Variants in SOX6 observed in about 807,000 individuals in gnomAD.
The protein encoded by SOX6 is transcription factor SOX-6.
In SOX6, 11 loss-of-function variants were observed where a neutral mutation model predicts 97.8. That is an observed-to-expected ratio of 0.11 (90% CI 0.07 to 0.19). SOX6 has a LOEUF of 0.19. SOX6 is among the 10% of genes least tolerant of loss of function. The probability of loss-of-function intolerance (pLI) is 1.00; values close to 1 mark genes in which losing one functional copy is unlikely to be tolerated. For synonymous variants in SOX6, 360 were observed against 371.4 expected, an observed-to-expected ratio of 0.97 and a Z score of 0.35; for missense variants, 810 against 1,039.5, an observed-to-expected ratio of 0.78 and a Z score of 3.04.
chr11:16,146,781 T>G lies in SOX6; in HGVS notation c.778-34858A>C, dbSNP rs551239786. ...TCATCATCACTGGCCATCAGAGAAA[T>G]GCAAATCAAAGCCACAGTGAGATAC... is the stretch of plus-strand genomic sequence containing the variant. On this transcript the variant is annotated intron_variant, in intron 6 of 15. Coordinates refer to ENST00000683767, the MANE Select transcript of SOX6 (RefSeq NM_001367873.1). Among the ~76,000 whole-genome samples the G allele has an allele frequency of 3.9e-3, 599 of 152,068 alleles. 1 individual carries two copies. Among genetic ancestry groups the G allele is most frequent in the South Asian group, 0.028 (133 of 4,820 alleles).
intron 8 of SOX6, 48 bp downstream of exon 8, chr11:16,097,561 C>T: frequency 1.3e-6 from 2 of 1,532,786 alleles, no homozygotes; most frequent in East Asian, 2.3e-5. Flanking sequence ...AGCAGTTTTC[C>T]ACTAAAGTAC....
At chr11:16,393,089 GGTTC>G in intron 1 of SOX6, among the ~76,000 whole-genome samples, 1 of 152,030 alleles carries the variant, frequency 6.6e-6, no homozygotes, top group East Asian at 1.9e-4. Context: ...CCGTGACTCT[GGTTC>G]CCTGAGACTT....
At chr11:15,997,993 T>C (rs1001780166) in intron 13 of SOX6, among the ~76,000 whole-genome samples, 4 of 152,062 alleles carry the variant, frequency 2.6e-5, no homozygotes, top group African/African-American at 7.2e-5. Flanking sequence ...GGCAGGAGAA[T>C]GTCTTGAACC....
At chr11:16,619,459 C>T (rs1027400577) in intron 3 of SOX6, among the ~76,000 whole-genome samples, 1 of 151,610 alleles carries the variant, frequency 6.6e-6, no homozygotes, top group Admixed American at 6.6e-5. Flanking sequence ...ACTAGAGAAA[C>T]CAAATAAATT....
At chr11:16,259,312 C>A (rs1853800523) in intron 3 of SOX6, among the ~76,000 whole-genome samples, 1 of 151,972 alleles carries the variant, frequency 6.6e-6, no homozygotes, top group East Asian at 1.9e-4. Flanking sequence ...TGGACATATT[C>A]TGCTCATACA....
At chr11:16,026,260 G>C (rs1057179728) in intron 12 of SOX6, among the ~76,000 whole-genome samples, 2 of 152,128 alleles carry the variant, frequency 1.3e-5, no homozygotes, top group Non-Finnish European at 2.9e-5. Context: ...AAAAAATTCT[G>C]AGGAATTATT....
At chr11:16,267,082 A>T (rs987356618) in intron 3 of SOX6, among the ~76,000 whole-genome samples, 3 of 151,650 alleles carry the variant, frequency 2.0e-5, no homozygotes, top group African/African-American at 4.8e-5. Context: ...GAAACTATAA[A>T]ACTCCTAGAA....
intron 6 of SOX6, among the ~76,000 whole-genome samples, chr11:16,165,891 C>T (rs1850875534): frequency 6.8e-6 from 1 of 146,764 alleles, no homozygotes; most frequent in African/African-American, 2.5e-5. Context: ...GAGCAAGACT[C>T]TGTCTCAAAA....
Position 16,038,082 on chromosome 11 carries a change from T to C in SOX6, c.1623+8432A>G, listed in dbSNP as rs181741546. Among the ~76,000 whole-genome samples the C allele has an allele frequency of 1.4e-4, 21 of 152,270 alleles. 1 individual carries two copies. The highest frequency in any genetic ancestry group is 1.3e-3 in the Admixed American group (20 of 15,294). ...AGAAATAAAAAGAATGCAACAACTATTGACATAGCATTTATGTTGTGTTAG... is the reference window on the plus strand; with the variant it reads ...AGAAATAAAAAGAATGCAACAACTACTGACATAGCATTTATGTTGTGTTAG... On this transcript the variant is annotated intron_variant, in intron 12 of 15. Transcript: ENST00000683767.
intron 9 of SOX6, among the ~76,000 whole-genome samples, chr11:16,058,145 A>T (rs1847864804): frequency 6.6e-6 from 1 of 151,728 alleles, no homozygotes; most frequent in African/African-American, 2.4e-5. Flanking sequence ...TTTATTTGCT[A>T]ATCTTTGACA....
intron 3 of SOX6, among the ~76,000 whole-genome samples, chr11:16,240,171 C>A (rs1047828543): frequency 3.3e-5 from 5 of 151,550 alleles, no homozygotes; most frequent in Non-Finnish European, 5.9e-5. Flanking sequence ...AGATTTAGTT[C>A]CTGTGAAATT....
chr11:16,535,677 A>G (rs1406515688), intron 4 of SOX6, among the ~76,000 whole-genome samples: 1 of 152,248 alleles, frequency 6.6e-6, no homozygotes, highest in Non-Finnish European at 1.5e-5. Flanking sequence ...GTCTTAACAA[A>G]AAAAAACAAA....
intron 9 of SOX6, among the ~76,000 whole-genome samples, chr11:16,069,360 A>G (rs1848167797): frequency 6.6e-6 from 1 of 152,238 alleles, no homozygotes; most frequent in Non-Finnish European, 1.5e-5. Flanking sequence ...CTGTTCATAC[A>G]TACTCATTTC....
chr11:16,095,003 T>C (rs1848763705), intron 9 of SOX6, among the ~76,000 whole-genome samples: 2 of 151,898 alleles, frequency 1.3e-5, no homozygotes, highest in Admixed American at 1.3e-4. Context: ...GGACCTTTCA[T>C]TGACTACATA....
At chr11:16,278,998 C>CA (rs1298277907) in intron 3 of SOX6, among the ~76,000 whole-genome samples, 1 of 152,044 alleles carries the variant, frequency 6.6e-6, no homozygotes, top group African/African-American at 2.4e-5. Context: ...GTGAAATGAG[C>CA]AAAAACACTA....
At chr11:16,647,867 TTG>T (rs1849036255) in intron 3 of SOX6, among the ~76,000 whole-genome samples, 1 of 152,132 alleles carries the variant, frequency 6.6e-6, no homozygotes, top group Non-Finnish European at 1.5e-5. Context: ...AATCCCCAGC[TTG>T]AGCCCAGGGA....
chr11:16,651,697 C>A (rs992466875), intron 3 of SOX6, among the ~76,000 whole-genome samples: 3 of 152,018 alleles, frequency 2.0e-5, no homozygotes, highest in Non-Finnish European at 2.9e-5. Context: ...GAAAGCATTC[C>A]CCCTGAGAAC....
chr11:16,127,374 C>T (rs1460239320), intron 6 of SOX6, among the ~76,000 whole-genome samples: 1 of 151,926 alleles, frequency 6.6e-6, no homozygotes, highest in Non-Finnish European at 1.5e-5. Context: ...ACTGTGTATA[C>T]ATAACTGTAA....
intron 3 of SOX6, among the ~76,000 whole-genome samples, chr11:16,631,773 AT>A (rs1174388434): frequency 4.6e-5 from 7 of 151,886 alleles, no homozygotes; most frequent in African/African-American, 1.2e-4. Context: ...GACTTTGTAC[AT>A]TTTTTTTAAA....
Sources: gnomAD v4.1 joint callset for allele counts (sites outside exome capture counted in the v4.1 genomes callset) on GRCh38, gnomAD v4.1.1 for gene constraint, MANE v1.5 for transcripts, NCBI Gene and HGNC (gene_info 2026-07-23, HGNC 2026-07-21) for gene names.